The following CTNNA2 variants were observed in gnomAD, a reference collection of about 807,000 sequenced individuals.
CTNNA2 encodes the protein catenin alpha-2.
In CTNNA2, 42 loss-of-function variants were observed where a neutral mutation model predicts 101.0. The observed-to-expected ratio is 0.42, with a 90% CI of 0.32 to 0.54. The LOEUF (loss-of-function observed/expected upper bound fraction) is 0.54. Among genes scored for constraint, CTNNA2 ranks in the 20% least tolerant of loss-of-function variants. CTNNA2 has a pLI of 0.14. For missense variants in CTNNA2, 871 were observed against 1,223.1 expected (o/e 0.71, Z 4.29); for synonymous variants, 450 against 456.4 (o/e 0.99, Z 0.18).
intron 1 of CTNNA2, among the ~76,000 whole-genome samples, chr2:79,587,137 C>T (rs11892644): frequency 0.044 from 6,719 of 152,198 alleles, 226 homozygotes; most frequent in African/African-American, 0.089. Flanking sequence ...CGTGTGTGCG[C>T]GTGTGTCTTT....
chr2:80,539,783 G>A (rs956202136), intron 9 of CTNNA2, among the ~76,000 whole-genome samples: 1 of 152,046 alleles, frequency 6.6e-6, no homozygotes, highest in Non-Finnish European at 1.5e-5. Context: ...GATCACCAAC[G>A]AGCTCTACCA....
At chr2:79,750,441 C>T (rs1237165696) in intron 3 of CTNNA2, among the ~76,000 whole-genome samples, 1 of 152,174 alleles carries the variant, frequency 6.6e-6, no homozygotes, top group Non-Finnish European at 1.5e-5. Context: ...TGGACTAATC[C>T]CTTTCTTGCT....
intron 2 of CTNNA2, among the ~76,000 whole-genome samples, chr2:79,241,914 C>CTTTTCT (rs1553385435): frequency 1.1e-4 from 13 of 117,018 alleles, no homozygotes; most frequent in Admixed American, 4.8e-4. Context: ...CTTTTCTTTT[C>CTTTTCT]TTTTTTTTTG....
At chr2:79,196,681 C>A (rs1298007100) in intron 1 of CTNNA2, among the ~76,000 whole-genome samples, 1 of 152,180 alleles carries the variant, frequency 6.6e-6, no homozygotes, top group East Asian at 1.9e-4. Flanking sequence ...GTAGAGGTTT[C>A]TCTAAAATAT....
At chr2:80,215,240 A>G (rs1452879221) in intron 7 of CTNNA2, among the ~76,000 whole-genome samples, 3 of 152,128 alleles carry the variant, frequency 2.0e-5, no homozygotes, top group Non-Finnish European at 4.4e-5. Flanking sequence ...GTTATTACCG[A>G]TCATCTGAAG....
At chr2:79,646,768 G>T (rs1480809901) in intron 1 of CTNNA2, among the ~76,000 whole-genome samples, 1 of 151,958 alleles carries the variant, frequency 6.6e-6, no homozygotes, top group Admixed American at 6.6e-5. Flanking sequence ...GGCTCAAGCA[G>T]TCCACTCACT....
chr2:80,018,013 A>T (rs554653134), intron 7 of CTNNA2, among the ~76,000 whole-genome samples: 1 of 152,348 alleles, frequency 6.6e-6, no homozygotes, highest in South Asian at 2.1e-4. Flanking sequence ...ATGTAATATT[A>T]TAAAATTTAA....
At chr2:79,755,188 G>A (rs1249144624) in intron 3 of CTNNA2, among the ~76,000 whole-genome samples, 1 of 152,008 alleles carries the variant, frequency 6.6e-6, no homozygotes, top group Non-Finnish European at 1.5e-5. Flanking sequence ...ATAATGAGCT[G>A]GGCATGGTGG....
chr2:79,557,949 G>C (rs948366166), intron 1 of CTNNA2, among the ~76,000 whole-genome samples: 2 of 151,892 alleles, frequency 1.3e-5, no homozygotes, highest in African/African-American at 2.4e-5. Context: ...GCTTGATGTT[G>C]TTTTGTTTTT....
intron 3 of CTNNA2, among the ~76,000 whole-genome samples, chr2:79,749,181 A>T (rs910014860): frequency 2.0e-5 from 3 of 151,922 alleles, no homozygotes; most frequent in African/African-American, 7.3e-5. Flanking sequence ...GGGGGCTCAG[A>T]TGTTACTCAT....
intron 7 of CTNNA2, among the ~76,000 whole-genome samples, chr2:80,365,979 TTG>T (rs1674897694): frequency 2.0e-5 from 3 of 152,120 alleles, no homozygotes; most frequent in Admixed American, 1.3e-4. Flanking sequence ...TGCCCTGTAA[TTG>T]TGTTTCACTT....
intron 1 of CTNNA2, among the ~76,000 whole-genome samples, chr2:79,522,429 A>G (rs1450043650): frequency 1.3e-5 from 2 of 152,234 alleles, no homozygotes; most frequent in African/African-American, 4.8e-5. Flanking sequence ...AGTAGGGGCT[A>G]TAAGATGAAT....
chr2:79,876,048 C>G (rs1370800993), intron 6 of CTNNA2, among the ~76,000 whole-genome samples: 1 of 151,944 alleles, frequency 6.6e-6, no homozygotes, highest in Non-Finnish European at 1.5e-5. Flanking sequence ...CCTAAAAAGT[C>G]AAATTATATT....
At chr2:79,361,215 G>A (rs1275831912) in intron 3 of CTNNA2, among the ~76,000 whole-genome samples, 1 of 152,108 alleles carries the variant, frequency 6.6e-6, no homozygotes, top group Non-Finnish European at 1.5e-5. Flanking sequence ...TTTATTTGTT[G>A]TTTTATTGGC....
intron 7 of CTNNA2, among the ~76,000 whole-genome samples, chr2:79,994,618 A>G (rs1335764789): frequency 6.6e-6 from 1 of 152,166 alleles, no homozygotes; most frequent in Non-Finnish European, 1.5e-5. Flanking sequence ...TCTAGGGGAA[A>G]TGGGGAAAAG....
chr2:80,216,100 G>C (rs954583349), intron 7 of CTNNA2, among the ~76,000 whole-genome samples: 30 of 152,202 alleles, frequency 2.0e-4, no homozygotes, highest in African/African-American at 5.5e-4. Context: ...CATTTGCTAA[G>C]ACTGTTGGAA....
intron 1 of CTNNA2, among the ~76,000 whole-genome samples, chr2:79,641,437 G>A (rs1427237313): frequency 2.6e-5 from 4 of 152,180 alleles, no homozygotes; most frequent in Non-Finnish European, 4.4e-5. Context: ...CTTTTGGACT[G>A]TAAAGATAAT....
chr2:80,427,361 G>A (rs1481001255), intron 9 of CTNNA2, among the ~76,000 whole-genome samples: 4 of 152,192 alleles, frequency 2.6e-5, no homozygotes, highest in African/African-American at 4.8e-5. Flanking sequence ...AACACCTGCT[G>A]TTTGCTACGA....
At chr2:80,483,811 G>A (rs1342664173) in intron 9 of CTNNA2, among the ~76,000 whole-genome samples, 1 of 152,126 alleles carries the variant, frequency 6.6e-6, no homozygotes, top group African/African-American at 2.4e-5. Flanking sequence ...ATCTGAAAAA[G>A]TACTCTGTGC....
Sources: allele counts gnomAD v4.1 joint callset (sites outside exome capture counted in the v4.1 genomes callset), GRCh38; gene constraint gnomAD v4.1.1; transcripts MANE v1.5; gene names NCBI Gene and HGNC (gene_info 2026-07-23, HGNC 2026-07-21).